GPT2: variants seen among roughly 807,000 people sequenced by gnomAD.
GPT2 encodes glutamic--pyruvic transaminase 2.
GPT2 carries 30 observed loss-of-function variants against 56.9 expected under a neutral mutation model. The observed-to-expected ratio is 0.53, with a 90% CI of 0.39 to 0.72. The LOEUF (loss-of-function observed/expected upper bound fraction) is 0.72. Among genes scored for constraint, GPT2 ranks in the 30% least tolerant of loss-of-function variants. The probability of loss-of-function intolerance (pLI) is 0.00; values close to 1 mark genes in which losing one functional copy is unlikely to be tolerated. For missense variants in GPT2, 542 were observed against 703.4 expected, an observed-to-expected ratio of 0.77 and a Z score of 2.60; for synonymous variants, 271 against 283.1, an observed-to-expected ratio of 0.96 and a Z score of 0.43.
chr16:46,925,942 C>T (rs1961398408), intron 10 of GPT2, among the ~76,000 whole-genome samples: 1 of 151,560 alleles, frequency 6.6e-6, no homozygotes, highest in African/African-American at 2.4e-5. Context: ...CCAGCTTGGC[C>T]AACACGGTGA....
chr16:46,884,715 G>A lies in GPT2; in HGVS notation c.-1G>A. Reference sequence around the variant, plus strand: ...CCAGGGTTTCTCTCCGCAAGCGCGCGATGCAGCGGGCGGCGGCGCTGGTCC... The same window carrying A: ...CCAGGGTTTCTCTCCGCAAGCGCGCAATGCAGCGGGCGGCGGCGCTGGTCC... On this transcript the variant is annotated 5_prime_UTR_variant, in exon 2 of 12. Transcript: ENST00000340124. The A allele has an allele frequency of 7.3e-7, 1 of 1,376,178 alleles. No homozygotes were observed. Among genetic ancestry groups the A allele is most frequent in the Non-Finnish European group, 9.4e-7 (1 of 1,063,144 alleles). 85.2% of individuals were successfully genotyped at this position (1,376,178 alleles called of 1,614,324 possible).
intron 6 of GPT2, among the ~76,000 whole-genome samples, chr16:46,912,610 G>C (rs1567339892): frequency 6.6e-6 from 1 of 152,210 alleles, no homozygotes. Context: ...AGGCTTGATT[G>C]GTTCACAGTT....
At chr16:46,910,380 CA>C (rs4039999) in intron 6 of GPT2, among the ~76,000 whole-genome samples, 95 of 46,474 alleles carry the variant, frequency 2.0e-3, no homozygotes, top group Non-Finnish European at 2.7e-3. Flanking sequence ...GACTCTGTCT[CA>C]AAAAAAAAAA....
chr16:46,901,383 G>A (rs939708788), intron 4 of GPT2, among the ~76,000 whole-genome samples: 2 of 152,154 alleles, frequency 1.3e-5, no homozygotes, highest in African/African-American at 4.8e-5. Context: ...GTGGCACCAG[G>A]CTCCACAGAG....
intron 5 of GPT2, 98 bp downstream of exon 5, chr16:46,907,073 G>A: frequency 6.5e-7 from 1 of 1,547,800 alleles, no homozygotes; most frequent in Non-Finnish European, 8.8e-7. Flanking sequence ...AGCAGGGAGG[G>A]TGGCAGCACG....
chr16:46,900,355 C>A (rs1567335682), intron 3 of GPT2, among the ~76,000 whole-genome samples: 1 of 152,122 alleles, frequency 6.6e-6, no homozygotes, highest in Admixed American at 6.5e-5. Context: ...CTCTGCAAAC[C>A]CCTGATTGTG....
At position 46,884,450 on chromosome 16, in the gene GPT2, G is replaced by C. The variant is rs1021672087; in HGVS notation, c.-40G>C. ...CGCGAGCTAACCGAGTGCGGCGAGG[G>C]CCTACCAGGGGCGACAGGCACGTTG... is the stretch of plus-strand genomic sequence containing the variant. On this transcript the variant is annotated 5_prime_UTR_variant, in exon 1 of 12. Transcript: ENST00000340124. 8 of 320,020 alleles carry C rather than the reference G, an allele frequency of 2.5e-5. No homozygotes were observed. The highest frequency in any genetic ancestry group is 5.0e-5 in the Admixed American group (1 of 19,852). 19.8% of individuals were successfully genotyped at this position (320,020 alleles called of 1,614,324 possible).
At chr16:46,893,255 C>G (rs2143361455) in intron 2 of GPT2, among the ~76,000 whole-genome samples, 1 of 152,328 alleles carries the variant, frequency 6.6e-6, no homozygotes, top group Admixed American at 6.5e-5. Context: ...CTCAGCCTCC[C>G]AAATAGCTGG....
chr16:46,919,412 A>T (rs1192002636), intron 8 of GPT2, among the ~76,000 whole-genome samples: 1 of 152,078 alleles, frequency 6.6e-6, no homozygotes, highest in African/African-American at 2.4e-5. Flanking sequence ...CTCACTGAGG[A>T]GTTGGCTTCT....
At chr16:46,925,011 C>T (rs1267179586) in intron 10 of GPT2, among the ~76,000 whole-genome samples, 3 of 152,126 alleles carry the variant, frequency 2.0e-5, no homozygotes, top group Non-Finnish European at 2.9e-5. Flanking sequence ...ATCCTCCTGC[C>T]TCTGCCTCCC....
intron 8 of GPT2, among the ~76,000 whole-genome samples, chr16:46,921,362 C>T (rs1596632717): frequency 1.3e-5 from 2 of 152,080 alleles, no homozygotes; most frequent in African/African-American, 2.4e-5. Flanking sequence ...TTAGTAGAGA[C>T]GGGTTTCACC....
At chr16:46,897,823 G>T (rs1276366731) in intron 3 of GPT2, 86 bp downstream of exon 3, 2 of 1,137,168 alleles carry the variant, frequency 1.8e-6, no homozygotes, top group Non-Finnish European at 1.3e-6. Context: ...CTGCCCCCTC[G>T]ATGTCCAGGC....
At chr16:46,921,948 A>G (rs1251423273) in intron 8 of GPT2, among the ~76,000 whole-genome samples, 1 of 152,148 alleles carries the variant, frequency 6.6e-6, no homozygotes, top group East Asian at 1.9e-4. Flanking sequence ...AGTCCCAGCT[A>G]TTTGTGAGGC....
chr16:46,885,147 G>A, intron 2 of GPT2, 189 bp downstream of exon 2: 1 of 1,334,734 alleles, frequency 7.5e-7, no homozygotes, highest in South Asian at 2.0e-5. Context: ...CGGGCACTCA[G>A]TGAGGCCTTG....
chr16:46,925,135 C>G (rs1271654888), intron 10 of GPT2, among the ~76,000 whole-genome samples: 1 of 152,026 alleles, frequency 6.6e-6, no homozygotes, highest in African/African-American at 2.4e-5. Flanking sequence ...TGGTTGCAAA[C>G]TCCTGGGCCT....
intron 10 of GPT2, among the ~76,000 whole-genome samples, chr16:46,925,669 A>T (rs983110445): frequency 3.9e-5 from 6 of 151,982 alleles, no homozygotes; most frequent in Non-Finnish European, 8.8e-5. Flanking sequence ...TCTCTACAAA[A>T]AATTTAAAAC....
chr16:46,905,797 C>T (rs1461949734), intron 4 of GPT2, among the ~76,000 whole-genome samples: 3 of 152,214 alleles, frequency 2.0e-5, no homozygotes, highest in Admixed American at 6.5e-5. Context: ...GCTCTGGATA[C>T]GGAGCTGCCA....
intron 9 of GPT2, chr16:46,923,798 C>T: frequency 5.5e-6 from 1 of 181,104 alleles, no homozygotes; most frequent in Admixed American, 5.5e-5. Flanking sequence ...CGCGCTGGTC[C>T]CCCCCAGATG....
At chr16:46,888,561 C>T (rs1169344072) in intron 2 of GPT2, among the ~76,000 whole-genome samples, 2 of 152,114 alleles carry the variant, frequency 1.3e-5, no homozygotes, top group African/African-American at 4.8e-5. Flanking sequence ...GTTGGCCAGG[C>T]TGGTCTTGAA....
Sources: allele counts gnomAD v4.1 joint callset (sites outside exome capture counted in the v4.1 genomes callset), GRCh38; gene constraint gnomAD v4.1.1; transcripts MANE v1.5; gene names NCBI Gene and HGNC (gene_info 2026-07-23, HGNC 2026-07-21).